Variants in PROZ observed in about 807,000 individuals in gnomAD.
PROZ encodes vitamin K-dependent protein Z.
Under a neutral mutation model 34.9 loss-of-function variants are expected in PROZ, and 46 were observed. That is an observed-to-expected ratio of 1.32 (90% CI 1.04 to 1.69). The LOEUF (loss-of-function observed/expected upper bound fraction) is 1.69, where lower values mean the gene tolerates loss of function less well. PROZ is among the 40% of genes most tolerant of loss of function. The pLI is 0.00. For missense variants in PROZ, 530 were observed against 520.4 expected, an observed-to-expected ratio of 1.02 and a Z score of -0.18; for synonymous variants, 195 against 208.5, an observed-to-expected ratio of 0.94 and a Z score of 0.56.
Position 113,160,033 on chromosome 13 carries a change from A to G in PROZ, c.90A>G (p.Lys30=). Residue 30 remains lysine, a synonymous_variant, in exon 2 of 8, where the codon AAA becomes AAG. Coordinates refer to ENST00000375547, the MANE Select transcript of PROZ (RefSeq NM_003891.3). The stretch of plus-strand genomic sequence containing the variant: ...CTGTAGTATTTCTCCCGGCCTCCAA[A>G]GCAAACGACGTTCTGGTGAGGTGGA... The part of the protein sequence containing the change: ...VEPSVFLPAS[K]ANDVLVRWKR... 3.1e-6 allele frequency: 5 copies of G among 1,614,158 alleles called. No homozygotes were observed. Among genetic ancestry groups the G allele is most frequent in the East Asian group, 2.2e-5 (1 of 44,888 alleles).
chr13:113,168,124 G>A (rs1204633639), intron 6 of PROZ, among the ~76,000 whole-genome samples: 5 of 152,174 alleles, frequency 3.3e-5, no homozygotes, highest in Non-Finnish European at 4.4e-5. Flanking sequence ...TGTTATAAAT[G>A]CCACTCTATA....
chr13:113,160,828 C>A, intron 2 of PROZ, 120 bp from the exon 3 acceptor site: 1 of 852,054 alleles, frequency 1.2e-6, no homozygotes, highest in Non-Finnish European at 1.9e-6. Flanking sequence ...ATTGTTTCAA[C>A]CACTATTGTC....
At position 113,158,833 on chromosome 13, in the gene PROZ, C is replaced by G. The variant is rs1270797491; in HGVS notation, c.70+103C>G. 24 of 1,152,386 alleles carry G rather than the reference C, an allele frequency of 2.1e-5. No homozygotes were observed. Among genetic ancestry groups the G allele is most frequent in the South Asian group, 1.3e-4 (10 of 76,726 alleles). The allele number at this position is 1,152,386 out of a possible 1,614,324, so 71.4% of individuals were successfully genotyped here. A position where few individuals can be genotyped will look rare whatever the true frequency, so the allele number is the denominator to read the frequency against. Reference sequence around the variant, plus strand: ...GGCTTTTTCCAGGAGCCAGAGGAGCCCTGAGTGCCCAGACTAGTCTTAATT... The same window carrying G: ...GGCTTTTTCCAGGAGCCAGAGGAGCGCTGAGTGCCCAGACTAGTCTTAATT... On this transcript the variant is annotated intron_variant, in intron 1 of 7. Transcript: ENST00000375547. The surrounding 1 kb of genome is among the most constrained non-coding windows in gnomAD (Gnocchi z 4.3).
rs771842709 is a variant in PROZ at position 113,164,562 on chromosome 13, C to T, written c.423C>T (p.Cys141=). 2.5e-6 allele frequency: 4 copies of T among 1,613,668 alleles called. No individual in the cohort carries two copies. The Admixed American group carries it at 5.0e-5, about 20-fold the overall frequency. ...GGACTGATGGGTGTCAACACTTCTG[C>T]CTCCCAGGACAGGAATCCTACACAT... The part of the protein sequence containing the change: ...PERTDGCQHF[C]LPGQESYTCS... Residue 141 remains cysteine, a synonymous_variant, in exon 5 of 8, where the codon TGC becomes TGT. Transcript: ENST00000375547.
chr13:113,159,550 C>T lies in PROZ; in HGVS notation c.71-464C>T, dbSNP rs2036725224. Reference sequence around the variant, plus strand: ...CCGCGGGTCAACTCATTTGCCTTCTCCTCCTGGAAATCGCAGAGCCTGCTG... The same window carrying T: ...CCGCGGGTCAACTCATTTGCCTTCTTCTCCTGGAAATCGCAGAGCCTGCTG... On this transcript the variant is annotated intron_variant, in intron 1 of 7. Coordinates refer to ENST00000375547, the MANE Select transcript of PROZ (RefSeq NM_003891.3). This position sits in a 1 kb window ranked among gnomAD's most constrained non-coding sequence, Gnocchi z 4.6. Among the ~76,000 whole-genome samples, 1 of 152,208 alleles carries T rather than the reference C, an allele frequency of 6.6e-6. No homozygotes were observed. The highest frequency in any genetic ancestry group is 6.5e-5 in the Admixed American group (1 of 15,284).
rs935408702 is a variant in PROZ, at chr13:113,170,434, G to A, written c.595G>A (p.Gly199Arg). Residue 199 changes from glycine to arginine, a missense_variant, in exon 7 of 8, where the codon GGA becomes AGA. Coordinates refer to ENST00000375547, the MANE Select transcript of PROZ (RefSeq NM_003891.3). ...PWQVKLTNSE[G>R]KDFCGGVIIR... The stretch of plus-strand genomic sequence containing the variant: ...AAAGGTAAAGTTAACAAATTCCGAA[G>A]GAAAAGACTTCTGTGGTGGTGTTAT... The A allele has an allele frequency of 1.9e-6, 3 of 1,605,270 alleles. No homozygotes were observed. Among genetic ancestry groups the A allele is most frequent in the African/African-American group, 2.7e-5 (2 of 74,666 alleles).
chr13:113,168,879 C>T (rs759298386), intron 6 of PROZ, among the ~76,000 whole-genome samples: 2 of 152,086 alleles, frequency 1.3e-5, no homozygotes, highest in African/African-American at 2.4e-5. Context: ...TAGGTGTGCA[C>T]GACCACACAC....
chr13:113,159,918 G>A lies in PROZ; in HGVS notation c.71-96G>A. On this transcript the variant is annotated intron_variant, in intron 1 of 7. Coordinates refer to ENST00000375547, the MANE Select transcript of PROZ (RefSeq NM_003891.3). This position sits in a 1 kb window ranked among gnomAD's most constrained non-coding sequence, Gnocchi z 4.6. ...CTGAGAGCCTGTGGAGACGGACGGG[G>A]CTGGGGCTGGCGGCCGGCCGGGGAG... 1 of 1,459,664 alleles carries A rather than the reference G, an allele frequency of 6.9e-7. No individual in the cohort carries two copies. Among genetic ancestry groups the A allele is most frequent in the Non-Finnish European group, 9.6e-7 (1 of 1,042,626 alleles). 90.4% of individuals were successfully genotyped at this position (1,459,664 alleles called of 1,614,324 possible).
intron 6 of PROZ, among the ~76,000 whole-genome samples, chr13:113,167,163 A>T (rs3024744): frequency 6.6e-6 from 1 of 152,090 alleles, no homozygotes; most frequent in East Asian, 1.9e-4. Flanking sequence ...CTTACATCCT[A>T]GGGAAGAAGT....
At position 113,167,010 on chromosome 13, in the gene PROZ, T is replaced by C. The variant is rs571612183; in HGVS notation, c.573+1890T>C. ...CTTAGGCAGGCTACATACTATTAGA[T>C]TTTTTACTTCAGTATTATAAATTGT... On this transcript the variant is annotated intron_variant, in intron 6 of 7. Transcript: ENST00000375547. 8.5e-5 allele frequency among the ~76,000 whole-genome samples: 13 copies of C among 152,342 alleles called. No individual in the cohort carries two copies. In the East Asian group the frequency reaches 2.5e-3, roughly 29 times the overall value.
rs888173528 is a variant in PROZ at position 113,170,935 on chromosome 13, T to C, written c.691+405T>C. Among the ~76,000 whole-genome samples, 3 of 152,100 alleles carry C rather than the reference T, an allele frequency of 2.0e-5. No homozygotes were observed. The East Asian group carries it at 5.8e-4, about 29-fold the overall frequency. On this transcript the variant is annotated intron_variant, in intron 7 of 7. Transcript: ENST00000375547. ...ATCTGTGCCTATTTCTTTCTTTTTT[T>C]TTTTTGAGACAGAGTCTCACTCAAT...
Position 113,172,197 on chromosome 13 carries a change from A to C in PROZ, c.*92A>C. On this transcript the variant is annotated 3_prime_UTR_variant, in exon 8 of 8. Coordinates refer to ENST00000375547, the MANE Select transcript of PROZ (RefSeq NM_003891.3). ...GTGGAGGGCGCTGAAACTTCATCAC[A>C]CACTGAGAGGCCGTCACAGCCCCAG... 6.6e-7 allele frequency: 1 copy of C among 1,523,020 alleles called. No individual in the cohort carries two copies. Among genetic ancestry groups the C allele is most frequent in the Non-Finnish European group, 8.9e-7 (1 of 1,121,876 alleles). The allele number at this position is 1,523,020 out of a possible 1,614,324, so 94.3% of individuals were successfully genotyped here. A position where few individuals can be genotyped will look rare whatever the true frequency, so the allele number is the denominator to read the frequency against.
rs2036738806 is a variant in PROZ at position 113,160,297 on chromosome 13, T to C, written c.234+120T>C. ...TAGCCTATTTACTTACCGATGAGGTTGACACAATCCCAGTTTTACAGATGA... is the reference window on the plus strand; with the variant it reads ...TAGCCTATTTACTTACCGATGAGGTCGACACAATCCCAGTTTTACAGATGA... On this transcript the variant is annotated intron_variant, in intron 2 of 7. Transcript: ENST00000375547. 3 of 1,261,340 alleles carry C rather than the reference T, an allele frequency of 2.4e-6. No individual in the cohort carries two copies. The African/African-American group carries it at 4.4e-5, about 19-fold the overall frequency. The allele number at this position is 1,261,340 out of a possible 1,614,324, so 78.1% of individuals were successfully genotyped here. A position where few individuals can be genotyped will look rare whatever the true frequency, so the allele number is the denominator to read the frequency against.
At chr13:113,161,797 CCTCCTCACATCCTCCTCCT>C (rs2036767039) in intron 3 of PROZ, among the ~76,000 whole-genome samples, 1 of 138,924 alleles carries the variant, frequency 7.2e-6, no homozygotes, top group African/African-American at 2.6e-5. Flanking sequence ...GTCCCTGCCA[CCTCCTCACATCCTCCTCCT>C]GCTCAGGTCC....
At chr13:113,164,361 A>T (rs2036855357) in intron 4 of PROZ, 152 bp from the exon 5 acceptor site, 3 of 859,506 alleles carry the variant, frequency 3.5e-6, no homozygotes, top group Non-Finnish European at 3.7e-6. Context: ...AACGATCTGA[A>T]GAGAATGAGA....
At position 113,172,180 on chromosome 13, in the gene PROZ, C is replaced by T. The variant is rs555259097; in HGVS notation, c.*75C>T. 19 of 1,564,102 alleles carry T rather than the reference C, an allele frequency of 1.2e-5. No individual in the cohort carries two copies. The Admixed American group carries it at 1.9e-4, about 16-fold the overall frequency. On this transcript the variant is annotated 3_prime_UTR_variant, in exon 8 of 8. Coordinates refer to ENST00000375547, the MANE Select transcript of PROZ (RefSeq NM_003891.3). ...AAGCTGGCACTGCCACTGTGGAGGG[C>T]GCTGAAACTTCATCACACACTGAGA...
Position 113,164,735 on chromosome 13 carries a change from C to T in PROZ, c.505+91C>T, listed in dbSNP as rs755535950. ...CTTCTGTAGTACTGGGTGAAGCCCG[C>T]GGATTTGTGATAAGCAGTTGCCACG... On this transcript the variant is annotated intron_variant, in intron 5 of 7. Coordinates refer to ENST00000375547, the MANE Select transcript of PROZ (RefSeq NM_003891.3). The T allele has an allele frequency of 7.9e-5, 123 of 1,560,326 alleles. No homozygotes were observed. The South Asian group carries it at 1.3e-3, about 16-fold the overall frequency.
At position 113,160,088 on chromosome 13, in the gene PROZ, C is replaced by T; in HGVS notation, c.145C>T (p.Leu49Phe). 6.2e-7 allele frequency: 1 copy of T among 1,614,164 alleles called. No individual in the cohort carries two copies. The highest frequency in any genetic ancestry group is 8.5e-7 in the Non-Finnish European group (1 of 1,180,016). Residue 49 changes from leucine to phenylalanine, a missense_variant, in exon 2 of 8, where the codon CTC (leucine) becomes TTC (phenylalanine). By Grantham distance (22) the Leu-to-Phe change is conservative. Coordinates refer to ENST00000375547, the MANE Select transcript of PROZ (RefSeq NM_003891.3). ...KRAGSYLLEE[L>F]FEGNLEKECY... The stretch of plus-strand genomic sequence containing the variant: ...TGCGGGCTCCTATCTTCTGGAAGAA[C>T]TCTTCGAGGGAAACTTGGAAAAAGA...
intron 6 of PROZ, among the ~76,000 whole-genome samples, chr13:113,165,706 T>G (rs955367753): frequency 2.6e-5 from 4 of 152,090 alleles, no homozygotes; most frequent in Admixed American, 6.6e-5. Context: ...GATTTTTATA[T>G]TTTTAGTAGA....
Sources: gnomAD v4.1 joint callset for allele counts (sites outside exome capture counted in the v4.1 genomes callset) on GRCh38, gnomAD v4.1.1 for gene constraint, Gnocchi (gnomAD v3.1) non-coding constraint, MANE v1.5 for transcripts, NCBI Gene and HGNC (gene_info 2026-07-23, HGNC 2026-07-21) for gene names.